Variants in LRP1B observed in about 807,000 individuals in gnomAD.
LRP1B encodes LDL receptor related protein 1B.
In LRP1B, 217 loss-of-function variants were observed where a neutral mutation model predicts 556.6. That is an observed-to-expected ratio of 0.39 (90% CI 0.35 to 0.44). The LOEUF (loss-of-function observed/expected upper bound fraction) is 0.44, where lower values mean the gene tolerates loss of function less well. LRP1B is among the 20% of genes least tolerant of loss of function. The probability of loss-of-function intolerance (pLI) is 1.00; values close to 1 mark genes in which losing one functional copy is unlikely to be tolerated. For synonymous variants in LRP1B, 2,047 were observed against 1,865.8 expected (o/e 1.10, Z -2.50); for missense variants, 5,053 against 5,620.8 (o/e 0.90, Z 3.23).
intron 1 of LRP1B, among the ~76,000 whole-genome samples, chr2:142,044,763 G>C (rs1704195521): frequency 6.9e-6 from 1 of 145,024 alleles, no homozygotes; most frequent in African/African-American, 2.5e-5. Context: ...GAAGCACTCT[G>C]ATACAGAAAC....
intron 3 of LRP1B, among the ~76,000 whole-genome samples, chr2:141,335,069 C>T (rs1490061228): frequency 1.3e-5 from 2 of 152,156 alleles, no homozygotes; most frequent in Admixed American, 6.5e-5. Flanking sequence ...AATTCATTTC[C>T]TTATTCAAAA....
At chr2:141,894,801 G>A (rs1699395217) in intron 1 of LRP1B, among the ~76,000 whole-genome samples, 1 of 151,978 alleles carries the variant, frequency 6.6e-6, no homozygotes, top group Admixed American at 6.6e-5. Context: ...TGTAATCCCA[G>A]CACCTTGGGA....
chr2:140,838,930 A>G (rs892346560), intron 31 of LRP1B, among the ~76,000 whole-genome samples: 2 of 152,182 alleles, frequency 1.3e-5, no homozygotes, highest in Non-Finnish European at 2.9e-5. Flanking sequence ...TATACTTAAT[A>G]TTTTCAAAGA....
intron 27 of LRP1B, among the ~76,000 whole-genome samples, chr2:140,857,865 G>T (rs969708998): frequency 6.6e-6 from 1 of 151,866 alleles, no homozygotes; most frequent in Non-Finnish European, 1.5e-5. Context: ...CTAACTTTCA[G>T]TCGTTCTAAA....
intron 7 of LRP1B, among the ~76,000 whole-genome samples, chr2:141,080,368 G>T (rs1699894064): frequency 6.6e-6 from 1 of 152,200 alleles, no homozygotes. Context: ...GGCTGGTTCT[G>T]TTTTTTCTGC....
At chr2:141,623,665 C>T (rs544867243) in intron 2 of LRP1B, among the ~76,000 whole-genome samples, 3 of 152,138 alleles carry the variant, frequency 2.0e-5, no homozygotes, top group South Asian at 4.2e-4. Flanking sequence ...CCACAAAGTT[C>T]TGATCCCCTC....
chr2:140,626,979 C>A (rs1683687059), intron 41 of LRP1B, among the ~76,000 whole-genome samples: 1 of 152,156 alleles, frequency 6.6e-6, no homozygotes, highest in African/African-American at 2.4e-5. Flanking sequence ...TACAGCCTCT[C>A]AAGGGCTCAA....
chr2:140,442,743 T>C (rs1438181759), intron 65 of LRP1B, 120 bp from the exon 66 acceptor site: 21 of 924,058 alleles, frequency 2.3e-5, no homozygotes, highest in Non-Finnish European at 3.1e-5. Context: ...TTTAAATTAA[T>C]AGGACTCTGA....
At chr2:141,589,550 C>T (rs1001299977) in intron 2 of LRP1B, among the ~76,000 whole-genome samples, 7 of 152,094 alleles carry the variant, frequency 4.6e-5, no homozygotes, top group African/African-American at 1.7e-4. Context: ...TTCCTGCTTC[C>T]TAATAGGCAG....
chr2:141,850,702 A>G (rs12691622), intron 1 of LRP1B, among the ~76,000 whole-genome samples: 113,942 of 150,038 alleles, frequency 0.76, 43,407 homozygotes, highest in Middle Eastern at 0.83. Context: ...TCCTGGCACA[A>G]TTCAATAGGT....
intron 31 of LRP1B, among the ~76,000 whole-genome samples, chr2:140,830,534 T>A (rs942585798): frequency 1.3e-5 from 2 of 152,012 alleles, no homozygotes; most frequent in African/African-American, 4.8e-5. Flanking sequence ...AAAAGCATTT[T>A]AAAAAATTCA....
At chr2:140,448,942 CTCTCAGATAACAGATG>C (rs1340785741) in intron 63 of LRP1B, among the ~76,000 whole-genome samples, 1 of 151,962 alleles carries the variant, frequency 6.6e-6, no homozygotes, top group Non-Finnish European at 1.5e-5. Context: ...CATAGAGAAG[CTCTCAGATAACAGATG>C]TCTTTCAGAC....
intron 2 of LRP1B, among the ~76,000 whole-genome samples, chr2:141,636,712 A>T (rs544560432): frequency 6.6e-6 from 1 of 152,054 alleles, no homozygotes; most frequent in Non-Finnish European, 1.5e-5. Flanking sequence ...GGCTAAATGT[A>T]TGGTTTCTCT....
intron 10 of LRP1B, among the ~76,000 whole-genome samples, chr2:141,052,526 T>A (rs904449928): frequency 6.6e-6 from 1 of 152,062 alleles, no homozygotes; most frequent in African/African-American, 2.4e-5. Flanking sequence ...GTTGCTATTA[T>A]TACAAATACA....
At chr2:142,089,255 G>A (rs1247202956) in intron 1 of LRP1B, among the ~76,000 whole-genome samples, 1 of 151,890 alleles carries the variant, frequency 6.6e-6, no homozygotes, top group Non-Finnish European at 1.5e-5. Flanking sequence ...AATATCCTTT[G>A]ATAGATACTG....
At chr2:141,312,254 T>G (rs1476173976) in intron 3 of LRP1B, among the ~76,000 whole-genome samples, 1 of 152,164 alleles carries the variant, frequency 6.6e-6, no homozygotes, top group East Asian at 1.9e-4. Context: ...TTTCCTCCTC[T>G]TCTTCAACCT....
chr2:141,987,774 T>C (rs1479055417), intron 1 of LRP1B, among the ~76,000 whole-genome samples: 1 of 151,956 alleles, frequency 6.6e-6, no homozygotes, highest in African/African-American at 2.4e-5. Flanking sequence ...ATTTGATTTA[T>C]GCATATTATT....
intron 37 of LRP1B, among the ~76,000 whole-genome samples, chr2:140,715,550 G>T (rs546342419): frequency 6.6e-6 from 1 of 152,086 alleles, no homozygotes; most frequent in Non-Finnish European, 1.5e-5. Context: ...AAAGGAAGGA[G>T]AAGAAAACAA....
chr2:141,973,820 A>C (rs1255477354), intron 1 of LRP1B, among the ~76,000 whole-genome samples: 3 of 151,850 alleles, frequency 2.0e-5, no homozygotes, highest in Non-Finnish European at 4.4e-5. Context: ...TCGATGATAC[A>C]CTTGTTGTAA....
Sources: allele counts gnomAD v4.1 joint callset (sites outside exome capture counted in the v4.1 genomes callset), GRCh38; gene constraint gnomAD v4.1.1; transcripts MANE v1.5; gene names NCBI Gene and HGNC (gene_info 2026-07-23, HGNC 2026-07-21).